The following HDAC9 variants were observed in gnomAD, a reference collection of about 807,000 sequenced individuals.
HDAC9 encodes the protein histone deacetylase 9, also known as MEF-2 interacting transcription repressor (MITR) protein.
Under a neutral mutation model 139.4 loss-of-function variants are expected in HDAC9, and 41 were observed. The ratio of observed to expected loss-of-function variants is 0.29; its 90% CI spans 0.23 to 0.38. The LOEUF is 0.38. Among genes scored for constraint, HDAC9 ranks in the 10% least tolerant of loss-of-function variants. The pLI is 1.00. For missense variants in HDAC9, 1,147 were observed against 1,297.0 expected (o/e 0.88, Z 1.78); for synonymous variants, 517 against 476.2 (o/e 1.09, Z -1.12).
At chr7:18,488,248 T>G (rs1183322526) in intron 1 of HDAC9, among the ~76,000 whole-genome samples, 1 of 152,040 alleles carries the variant, frequency 6.6e-6, no homozygotes, top group Non-Finnish European at 1.5e-5. Flanking sequence ...AGTGTTAACT[T>G]GCATTTCAAA....
At chr7:18,590,993 A>G (rs553354301) in intron 4 of HDAC9, among the ~76,000 whole-genome samples, 1 of 152,348 alleles carries the variant, frequency 6.6e-6, no homozygotes, top group African/African-American at 2.4e-5. Context: ...GTTCAAAATC[A>G]GGTCGTAGCA....
At chr7:18,688,685 C>T (rs1206122526) in intron 12 of HDAC9, among the ~76,000 whole-genome samples, 4 of 151,794 alleles carry the variant, frequency 2.6e-5, no homozygotes, top group African/African-American at 9.7e-5. Flanking sequence ...ATTGGTTAGA[C>T]AAGTAGATCC....
At position 18,948,405 on chromosome 7, in the gene HDAC9, CACTT is replaced by C. The variant is rs1420547094; in HGVS notation, c.2938-5739_2938-5736del. ...TAAAAATCAGTGAAAATTTAAAACT[CACTT>C]AAAAGGTTTAGTAAAAATTAATTAT... On this transcript the variant is annotated intron_variant, in intron 23 of 25. Transcript: ENST00000686413. Among the ~76,000 whole-genome samples, 10 of 151,918 alleles carry C rather than the reference CACTT, an allele frequency of 6.6e-5. No individual in the cohort carries two copies. The South Asian group carries it at 1.5e-3, about 22-fold the overall frequency.
intron 21 of HDAC9, among the ~76,000 whole-genome samples, chr7:18,857,361 G>GTGTGTGTGTGTGTGTGTGTA (rs1562994705): frequency 1.3e-5 from 2 of 151,460 alleles, no homozygotes; most frequent in African/African-American, 4.9e-5. Context: ...GTGTGTGTGT[G>GTGTGTGTGTGTGTGTGTGTA]TGTATGTATG....
chr7:18,583,118 A>G (rs1043687299), intron 2 of HDAC9, among the ~76,000 whole-genome samples: 1 of 151,872 alleles, frequency 6.6e-6, no homozygotes, highest in Admixed American at 6.6e-5. Flanking sequence ...TTATTTTTAT[A>G]TTTGTTTCTA....
At chr7:18,484,063 G>A (rs1033069698) in intron 1 of HDAC9, among the ~76,000 whole-genome samples, 12 of 151,536 alleles carry the variant, frequency 7.9e-5, no homozygotes, top group Non-Finnish European at 1.3e-4. Context: ...ATACTGTTAT[G>A]GGGCTGGGCA....
At chr7:18,199,908 G>T (rs1484676581) in intron 2 of HDAC9, among the ~76,000 whole-genome samples, 5 of 151,972 alleles carry the variant, frequency 3.3e-5, no homozygotes. Flanking sequence ...CCAGCTTGGG[G>T]GACAGAGTAA....
intron 1 of HDAC9, among the ~76,000 whole-genome samples, chr7:18,101,533 A>C (rs1221692810): frequency 1.3e-5 from 2 of 152,136 alleles, no homozygotes; most frequent in Non-Finnish European, 2.9e-5. Flanking sequence ...TTCCATGTAA[A>C]ACCTTGTTGG....
chr7:18,136,598 A>C (rs1404935433), intron 1 of HDAC9, among the ~76,000 whole-genome samples: 1 of 152,188 alleles, frequency 6.6e-6, no homozygotes, highest in Non-Finnish European at 1.5e-5. Context: ...AGGTTTGTCA[A>C]AGATCAGATA....
intron 1 of HDAC9, among the ~76,000 whole-genome samples, chr7:18,340,756 T>C (rs1781944017): frequency 6.6e-6 from 1 of 151,632 alleles, no homozygotes; most frequent in Admixed American, 6.6e-5. Context: ...TCAAGTATCT[T>C]TAGATATTTA....
chr7:18,911,202 A>T (rs1802708685), intron 22 of HDAC9, among the ~76,000 whole-genome samples: 1 of 145,600 alleles, frequency 6.9e-6, no homozygotes, highest in Non-Finnish European at 1.5e-5. Context: ...CCAGAAATGT[A>T]TCTATTTCCT....
chr7:18,804,426 A>G (rs1421337493), intron 17 of HDAC9, among the ~76,000 whole-genome samples: 1 of 152,178 alleles, frequency 6.6e-6, no homozygotes, highest in Non-Finnish European at 1.5e-5. Flanking sequence ...TGCATACGTA[A>G]ATAATATTAA....
chr7:18,130,695 C>G (rs952612408), intron 1 of HDAC9, among the ~76,000 whole-genome samples: 1 of 152,074 alleles, frequency 6.6e-6, no homozygotes, highest in Non-Finnish European at 1.5e-5. Flanking sequence ...CACTAATGTA[C>G]TTTTTCCCCA....
intron 6 of HDAC9, among the ~76,000 whole-genome samples, chr7:18,618,833 G>T (rs1318797978): frequency 1.4e-5 from 2 of 148,136 alleles, no homozygotes; most frequent in East Asian, 3.9e-4. Context: ...AACAGGACTT[G>T]TTTACAAGAA....
intron 12 of HDAC9, among the ~76,000 whole-genome samples, chr7:18,701,429 C>T (rs929355418): frequency 7.4e-6 from 1 of 134,626 alleles, no homozygotes; most frequent in Non-Finnish European, 1.6e-5. Flanking sequence ...AAAAAAAAAA[C>T]ACAACTGTAC....
chr7:18,938,520 G>A (rs888999834), intron 23 of HDAC9, among the ~76,000 whole-genome samples: 3 of 151,142 alleles, frequency 2.0e-5, no homozygotes, highest in Non-Finnish European at 2.9e-5. Context: ...GCATGAACCC[G>A]AGAGGTGGAG....
chr7:18,637,826 A>G (rs149073714), intron 8 of HDAC9, among the ~76,000 whole-genome samples: 60 of 152,160 alleles, frequency 3.9e-4, no homozygotes, highest in African/African-American at 1.4e-3. Flanking sequence ...TTCATTCTCG[A>G]TAGGTGAGGA....
intron 1 of HDAC9, among the ~76,000 whole-genome samples, chr7:18,149,706 A>G (rs1470052882): frequency 1.3e-5 from 2 of 151,318 alleles, no homozygotes; most frequent in Non-Finnish European, 2.9e-5. Context: ...GCCCACCACC[A>G]CGCCCAACTA....
chr7:18,358,001 G>C (rs1783459204), intron 1 of HDAC9, among the ~76,000 whole-genome samples: 2 of 152,160 alleles, frequency 1.3e-5, no homozygotes, highest in African/African-American at 4.8e-5. Flanking sequence ...GATTGGATTG[G>C]AGAGGGGCTC....
Sources: gnomAD v4.1 joint callset for allele counts (sites outside exome capture counted in the v4.1 genomes callset) on GRCh38, gnomAD v4.1.1 for gene constraint, MANE v1.5 for transcripts, NCBI Gene and HGNC (gene_info 2026-07-23, HGNC 2026-07-21) for gene names.